LRRTM4: variants seen among roughly 807,000 people sequenced by gnomAD.
LRRTM4 encodes leucine-rich repeat transmembrane neuronal protein 4.
LRRTM4 carries 25 observed loss-of-function variants against 47.6 expected under a neutral mutation model. That is an observed-to-expected ratio of 0.53 (90% CI 0.38 to 0.73). The LOEUF is 0.73. LRRTM4 is among the 30% of genes least tolerant of loss of function. The probability of loss-of-function intolerance (pLI) is 0.00; values close to 1 mark genes in which losing one functional copy is unlikely to be tolerated. For missense variants in LRRTM4, 638 were observed against 713.4 expected, an observed-to-expected ratio of 0.89 and a Z score of 1.20; for synonymous variants, 311 against 269.5, an observed-to-expected ratio of 1.15 and a Z score of -1.51.
At chr2:77,195,483 G>C (rs1376823052) in intron 3 of LRRTM4, among the ~76,000 whole-genome samples, 3 of 151,888 alleles carry the variant, frequency 2.0e-5, no homozygotes, top group Non-Finnish European at 4.4e-5. Flanking sequence ...CTACTACAAA[G>C]AACTATCTTT....
chr2:77,091,370 C>T (rs991933830), intron 3 of LRRTM4, among the ~76,000 whole-genome samples: 2 of 141,554 alleles, frequency 1.4e-5, no homozygotes, highest in Non-Finnish European at 1.5e-5. Flanking sequence ...TATCCCATCC[C>T]GAAGCACACT....
intron 3 of LRRTM4, among the ~76,000 whole-genome samples, chr2:77,019,897 G>T (rs1041207380): frequency 6.6e-6 from 1 of 152,026 alleles, no homozygotes; most frequent in African/African-American, 2.4e-5. Flanking sequence ...GGTGAAGGTT[G>T]AAAGAATGTC....
At chr2:76,779,330 C>T (rs1289399036) in intron 3 of LRRTM4, among the ~76,000 whole-genome samples, 1 of 150,650 alleles carries the variant, frequency 6.6e-6, no homozygotes, top group African/African-American at 2.4e-5. Flanking sequence ...GACTTTCTGT[C>T]TCATTGATCT....
intron 3 of LRRTM4, among the ~76,000 whole-genome samples, chr2:77,011,376 A>G (rs755815786): frequency 3.5e-4 from 53 of 152,214 alleles, no homozygotes; most frequent in South Asian, 1.0e-3. Flanking sequence ...CACATTGGAT[A>G]GAATACAGCT....
intron 3 of LRRTM4, among the ~76,000 whole-genome samples, chr2:77,261,447 G>A (rs1170456995): frequency 6.6e-6 from 1 of 152,092 alleles, no homozygotes; most frequent in African/African-American, 2.4e-5. Context: ...AACATTGTTC[G>A]AGATGGTGGT....
intron 3 of LRRTM4, among the ~76,000 whole-genome samples, chr2:77,117,741 A>T (rs1671425353): frequency 6.6e-6 from 1 of 152,000 alleles, no homozygotes; most frequent in South Asian, 2.1e-4. Flanking sequence ...ATATATGGAC[A>T]GCTTTTTATG....
At chr2:77,286,763 TA>T (rs1405301413) in intron 3 of LRRTM4, among the ~76,000 whole-genome samples, 1 of 152,006 alleles carries the variant, frequency 6.6e-6, no homozygotes, top group East Asian at 1.9e-4. Context: ...AATATTACAA[TA>T]AAAAATCTAG....
At chr2:76,790,037 C>G (rs1464327312) in intron 3 of LRRTM4, among the ~76,000 whole-genome samples, 1 of 152,168 alleles carries the variant, frequency 6.6e-6, no homozygotes, top group African/African-American at 2.4e-5. Context: ...AATGTTCCCT[C>G]TTGTTCATTC....
intron 3 of LRRTM4, among the ~76,000 whole-genome samples, chr2:77,324,287 T>A (rs1421361586): frequency 1.3e-5 from 2 of 152,144 alleles, no homozygotes; most frequent in Non-Finnish European, 2.9e-5. Flanking sequence ...ATAAAGCAGA[T>A]AAGGTTTTTA....
intron 3 of LRRTM4, chr2:77,009,073 C>T (rs1677772952): frequency 6.6e-6 from 1 of 151,952 alleles, no homozygotes; most frequent in Non-Finnish European, 1.5e-5. Context: ...AAGGCAAATG[C>T]TGAGAGCACA....
At chr2:76,813,108 G>A (rs921606614) in intron 3 of LRRTM4, among the ~76,000 whole-genome samples, 5 of 151,964 alleles carry the variant, frequency 3.3e-5, no homozygotes, top group African/African-American at 1.2e-4. Flanking sequence ...AGGTTCCAGT[G>A]AGCCAAGATC....
At chr2:77,086,393 C>G (rs558819554) in intron 3 of LRRTM4, among the ~76,000 whole-genome samples, 8 of 118,008 alleles carry the variant, frequency 6.8e-5, no homozygotes, top group Non-Finnish European at 9.9e-5. Context: ...ATATTTTTTA[C>G]TTTTTAAACA....
intron 3 of LRRTM4, among the ~76,000 whole-genome samples, chr2:77,093,292 G>A (rs563223956): frequency 2.4e-4 from 36 of 149,246 alleles, no homozygotes; most frequent in African/African-American, 2.5e-4. Flanking sequence ...GCAGGACTAT[G>A]CTGAATCTCC....
chr2:76,826,512 TGA>T (rs2103878386), intron 3 of LRRTM4, among the ~76,000 whole-genome samples: 1 of 143,198 alleles, frequency 7.0e-6, no homozygotes, highest in South Asian at 2.3e-4. Flanking sequence ...CAATTGTCTT[TGA>T]AATATAAATT....
chr2:76,771,773 C>T (rs1673723020), intron 3 of LRRTM4, among the ~76,000 whole-genome samples: 1 of 152,096 alleles, frequency 6.6e-6, no homozygotes, highest in African/African-American at 2.4e-5. Flanking sequence ...GGGACTGGTC[C>T]CTTCCTTTGC....
chr2:77,338,964 C>T (rs1471954495), intron 3 of LRRTM4, among the ~76,000 whole-genome samples: 1 of 151,910 alleles, frequency 6.6e-6, no homozygotes, highest in African/African-American at 2.4e-5. Context: ...ATAGATGCAG[C>T]TGGAAACCAT....
At chr2:77,072,859 T>G (rs1284988596) in intron 3 of LRRTM4, among the ~76,000 whole-genome samples, 1 of 151,026 alleles carries the variant, frequency 6.6e-6, no homozygotes, top group African/African-American at 2.4e-5. Context: ...GTTTGTATGA[T>G]TTTCTCAGTT....
intron 3 of LRRTM4, among the ~76,000 whole-genome samples, chr2:77,486,744 A>C (rs974373176): frequency 6.6e-6 from 1 of 152,356 alleles, no homozygotes; most frequent in South Asian, 2.1e-4. Flanking sequence ...GCCTATGTAT[A>C]CTTTTAACTA....
intron 3 of LRRTM4, among the ~76,000 whole-genome samples, chr2:76,768,017 A>G (rs1673525963): frequency 6.6e-6 from 1 of 152,188 alleles, no homozygotes. Context: ...ATATAAGCCA[A>G]TTTCATAAGA....
Sources: gnomAD v4.1 joint callset for allele counts (sites outside exome capture counted in the v4.1 genomes callset) on GRCh38, gnomAD v4.1.1 for gene constraint, MANE v1.5 for transcripts, NCBI Gene and HGNC (gene_info 2026-07-23, HGNC 2026-07-21) for gene names.